The following SNTG1 variants were observed in gnomAD, a reference collection of about 807,000 sequenced individuals.
The protein encoded by SNTG1 is gamma-1-syntrophin.
Under a neutral mutation model 74.7 loss-of-function variants are expected in SNTG1, and 39 were observed. That is an observed-to-expected ratio of 0.52 (90% CI 0.40 to 0.68). The LOEUF (loss-of-function observed/expected upper bound fraction) is 0.68. Ranked by LOEUF, SNTG1 falls within the 30% of genes least tolerant of loss-of-function variation. SNTG1 has a pLI of 0.00. For missense variants in SNTG1, 685 were observed against 609.5 expected (o/e 1.12, Z -1.30); for synonymous variants, 254 against 217.1 (o/e 1.17, Z -1.49).
At chr8:50,338,566 A>G (rs1378141463) in intron 2 of SNTG1, among the ~76,000 whole-genome samples, 1 of 152,252 alleles carries the variant, frequency 6.6e-6, no homozygotes, top group Non-Finnish European at 1.5e-5. Flanking sequence ...ATGTAAGCAG[A>G]CAGCTGAAAA....
intron 3 of SNTG1, among the ~76,000 whole-genome samples, chr8:50,400,489 C>A (rs76536091): frequency 1.3e-5 from 2 of 152,042 alleles, no homozygotes; most frequent in Admixed American, 6.6e-5. Flanking sequence ...GCAGATGTCC[C>A]TTTGACATAC....
At chr8:50,384,653 C>A (rs1328820221) in intron 2 of SNTG1, among the ~76,000 whole-genome samples, 1 of 152,114 alleles carries the variant, frequency 6.6e-6, no homozygotes, top group African/African-American at 2.4e-5. Flanking sequence ...CCATGTTGCA[C>A]CTGCATATTG....
chr8:49,947,500 C>T (rs937789223), intron 1 of SNTG1, among the ~76,000 whole-genome samples: 37 of 152,170 alleles, frequency 2.4e-4, no homozygotes, highest in African/African-American at 8.4e-4. Context: ...CACTGATACA[C>T]ACGTACACAG....
intron 2 of SNTG1, among the ~76,000 whole-genome samples, chr8:50,265,780 A>G (rs1421863335): frequency 1.3e-5 from 2 of 152,076 alleles, no homozygotes; most frequent in African/African-American, 4.8e-5. Context: ...AATCAATTGT[A>G]TTTTTATAAA....
chr8:50,028,091 A>G (rs1817421105), intron 1 of SNTG1, among the ~76,000 whole-genome samples: 1 of 152,110 alleles, frequency 6.6e-6, no homozygotes, highest in Admixed American at 6.5e-5. Context: ...GGACTATTCC[A>G]TTACTAACAA....
intron 1 of SNTG1, among the ~76,000 whole-genome samples, chr8:49,982,387 C>T (rs1163158787): frequency 6.6e-6 from 1 of 151,938 alleles, no homozygotes; most frequent in African/African-American, 2.4e-5. Flanking sequence ...TTGGTAGACA[C>T]AGTTCTAAAC....
chr8:50,325,230 T>C (rs983287945), intron 2 of SNTG1, among the ~76,000 whole-genome samples: 1 of 151,748 alleles, frequency 6.6e-6, no homozygotes, highest in Admixed American at 6.6e-5. Flanking sequence ...ATCTTAACTT[T>C]AGAATCAGTG....
intron 12 of SNTG1, among the ~76,000 whole-genome samples, chr8:50,584,083 C>T (rs1477598562): frequency 6.6e-6 from 1 of 152,074 alleles, no homozygotes; most frequent in Non-Finnish European, 1.5e-5. Flanking sequence ...TCATCCATGT[C>T]CCTACAAAGG....
intron 2 of SNTG1, among the ~76,000 whole-genome samples, chr8:50,365,130 T>TTTAATTGC (rs2131100646): frequency 6.6e-6 from 1 of 152,240 alleles, no homozygotes; most frequent in Non-Finnish European, 1.5e-5. Flanking sequence ...TTTCCATAAG[T>TTTAATTGC]TTAATTGCTT....
intron 2 of SNTG1, among the ~76,000 whole-genome samples, chr8:50,391,047 T>C (rs1029382209): frequency 6.6e-6 from 1 of 152,176 alleles, no homozygotes; most frequent in Admixed American, 6.5e-5. Flanking sequence ...CTTTTCCAAA[T>C]TGAGTACCCT....
intron 17 of SNTG1, among the ~76,000 whole-genome samples, chr8:50,723,780 G>A (rs977242303): frequency 1.4e-4 from 21 of 147,660 alleles, no homozygotes; most frequent in Admixed American, 1.1e-3. Context: ...ATGGCAATGA[G>A]GCCTATGGAA....
intron 2 of SNTG1, among the ~76,000 whole-genome samples, chr8:50,269,157 A>G (rs1336031943): frequency 6.6e-6 from 1 of 152,194 alleles, no homozygotes; most frequent in Non-Finnish European, 1.5e-5. Context: ...AATATCTTTG[A>G]TATCTAAAAC....
At chr8:50,747,859 C>G (rs2095558622) in intron 17 of SNTG1, 1 of 151,996 alleles carries the variant, frequency 6.6e-6, no homozygotes, top group Non-Finnish European at 1.5e-5. Context: ...CTCAATCTCC[C>G]AGGTAGCTAG....
intron 8 of SNTG1, among the ~76,000 whole-genome samples, chr8:50,484,149 T>C (rs7461485): frequency 0.05 from 2,303 of 46,398 alleles, 69 homozygotes; most frequent in African/African-American, 0.13. Flanking sequence ...TCTTTCTTTC[T>C]TTCCTTCCTT....
At chr8:50,553,259 C>T in intron 12 of SNTG1, 80 bp downstream of exon 12, 1 of 1,536,112 alleles carries the variant, frequency 6.5e-7, no homozygotes, top group South Asian at 1.2e-5. Context: ...AACTTCACAT[C>T]AACTGTTTGG....
chr8:50,310,547 GT>G (rs2090069568), intron 2 of SNTG1, among the ~76,000 whole-genome samples: 1 of 152,088 alleles, frequency 6.6e-6, no homozygotes, highest in African/African-American at 2.4e-5. Context: ...AATTAGCCAG[GT>G]GTGGTGGCGC....
intron 1 of SNTG1, among the ~76,000 whole-genome samples, chr8:49,928,560 A>G (rs1165803242): frequency 6.6e-6 from 1 of 151,666 alleles, no homozygotes; most frequent in Non-Finnish European, 1.5e-5. Context: ...TAAATACACT[A>G]CTCTGCTGGT....
chr8:50,206,675 C>T (rs916776900), intron 2 of SNTG1, among the ~76,000 whole-genome samples: 2 of 152,116 alleles, frequency 1.3e-5, no homozygotes, highest in Non-Finnish European at 2.9e-5. Flanking sequence ...CCAGTTTTTG[C>T]CCATTCAGTA....
At chr8:50,531,153 C>T (rs929222038) in intron 10 of SNTG1, among the ~76,000 whole-genome samples, 2 of 152,168 alleles carry the variant, frequency 1.3e-5, no homozygotes, top group African/African-American at 2.4e-5. Context: ...ATGGCTTTCA[C>T]GGTACCTGAT....
Sources: allele counts gnomAD v4.1 joint callset (sites outside exome capture counted in the v4.1 genomes callset), GRCh38; gene constraint gnomAD v4.1.1; transcripts MANE v1.5; gene names NCBI Gene and HGNC (gene_info 2026-07-23, HGNC 2026-07-21).